The following LRP1B variants were observed in gnomAD, a reference collection of about 807,000 sequenced individuals.
LRP1B encodes the protein LDL receptor related protein 1B, also known as low-density lipoprotein receptor-related protein 1B.
Under a neutral mutation model 556.6 loss-of-function variants are expected in LRP1B, and 217 were observed. The ratio of observed to expected loss-of-function variants is 0.39; its 90% confidence interval spans 0.35 to 0.44. LRP1B has a LOEUF of 0.44. Ranked by LOEUF, LRP1B falls within the 20% of genes least tolerant of loss-of-function variation. The pLI is 1.00. For missense variants in LRP1B, 5,053 were observed against 5,620.8 expected (o/e 0.90, Z 3.23); for synonymous variants, 2,047 against 1,865.8 (o/e 1.10, Z -2.50).
Position 140,702,520 on chromosome 2 carries a change from G to C in LRP1B, c.6057C>G (p.Pro2019=), listed in dbSNP as rs2105430732. 3 of 1,613,308 alleles carry C rather than the reference G, an allele frequency of 1.9e-6. No homozygotes were observed. The highest frequency in any genetic ancestry group is 2.5e-6 in the Non-Finnish European group (3 of 1,179,558). The change falls in exon 38 of 91, where the codon CCC becomes CCG. Residue 2019 remains proline (P), a synonymous_variant. Transcript: ENST00000389484. ...LLFWTEWGQM[P]CIGKARLDGS... ...CATCCAAGCGAGCCTTTCCAATACAGGGCATTTGTCCCCATTCAGTCCAGA... is the reference window on the plus strand; with the variant it reads ...CATCCAAGCGAGCCTTTCCAATACACGGCATTTGTCCCCATTCAGTCCAGA...
At chr2:142,127,367 AATCCATCCATCCATCCATCCATCC>A (rs71391674) in intron 1 of LRP1B, among the ~76,000 whole-genome samples, 1 of 150,022 alleles carries the variant, frequency 6.7e-6, no homozygotes, top group Non-Finnish European at 1.5e-5. Context: ...TGTATGGCAG[AATCCATCCATCCATCCATCCATCC>A]ATCCATCCAT....
At chr2:141,106,421 A>T (rs1347004307) in intron 7 of LRP1B, among the ~76,000 whole-genome samples, 1 of 152,194 alleles carries the variant, frequency 6.6e-6, no homozygotes, top group African/African-American at 2.4e-5. Context: ...ATTCATGTAC[A>T]GATTTAAAAA....
intron 7 of LRP1B, among the ~76,000 whole-genome samples, chr2:141,118,166 CA>C (rs5834810): frequency 0.3 from 45,613 of 151,572 alleles, 7,122 homozygotes; most frequent in East Asian, 0.52. Flanking sequence ...TTTGATGCTT[CA>C]AAAATATTCA....
chr2:140,771,239 G>A lies in LRP1B; in HGVS notation c.5501-233C>T, dbSNP rs77546823. Among the ~76,000 whole-genome samples, 884 of 152,112 alleles carry A rather than the reference G, an allele frequency of 5.8e-3. 6 individuals are homozygous for A. Among genetic ancestry groups the A allele is most frequent in the Non-Finnish European group, 0.01 (682 of 67,942 alleles). On this transcript the variant is annotated intron_variant, in intron 33 of 90. Coordinates refer to ENST00000389484, the MANE Select transcript of LRP1B (RefSeq NM_018557.3). Reference sequence around the variant, plus strand: ...ATACATGAGAAGATTAATAGTTACAGAAAAGCAAAAGGAAATTGATTTGTC... The same window carrying A: ...ATACATGAGAAGATTAATAGTTACAAAAAAGCAAAAGGAAATTGATTTGTC...
At chr2:142,094,684 C>T (rs113178774) in intron 1 of LRP1B, among the ~76,000 whole-genome samples, 2,856 of 151,932 alleles carry the variant, frequency 0.019, 92 homozygotes, top group African/African-American at 0.066. Flanking sequence ...TTTGACACAA[C>T]CCTGTGTTCT....
At chr2:141,285,879 C>A (rs1389969488) in intron 3 of LRP1B, among the ~76,000 whole-genome samples, 2 of 149,016 alleles carry the variant, frequency 1.3e-5, no homozygotes, top group South Asian at 2.1e-4. Flanking sequence ...ATCCCGGCTA[C>A]AACGGTGAAA....
intron 41 of LRP1B, among the ~76,000 whole-genome samples, chr2:140,685,355 G>T (rs1686011132): frequency 6.6e-6 from 1 of 152,162 alleles, no homozygotes; most frequent in Non-Finnish European, 1.5e-5. Flanking sequence ...CCTAGGCCTT[G>T]TTCCAACCAG....
intron 87 of LRP1B, among the ~76,000 whole-genome samples, chr2:140,244,880 C>T (rs1681088578): frequency 6.6e-6 from 1 of 151,232 alleles, no homozygotes; most frequent in Non-Finnish European, 1.5e-5. Flanking sequence ...GACTTCTGCT[C>T]AAGTTTGGGG....
At chr2:141,849,948 T>A (rs945786274) in intron 1 of LRP1B, among the ~76,000 whole-genome samples, 2 of 151,746 alleles carry the variant, frequency 1.3e-5, no homozygotes, top group Non-Finnish European at 3.0e-5. Context: ...CATAAGTTAA[T>A]GTTTCACATG....
At chr2:142,007,938 G>A (rs949869436) in intron 1 of LRP1B, among the ~76,000 whole-genome samples, 27 of 152,102 alleles carry the variant, frequency 1.8e-4, no homozygotes, top group Non-Finnish European at 2.8e-4. Flanking sequence ...GAGTTAAACG[G>A]TATTTGTATA....
chr2:141,498,931 G>C (rs1016595012), intron 2 of LRP1B, among the ~76,000 whole-genome samples: 3 of 152,034 alleles, frequency 2.0e-5, no homozygotes, highest in Admixed American at 6.6e-5. Context: ...CACCCAATCT[G>C]TTCCATCCAG....
At chr2:141,070,860 T>C (rs1343579767) in intron 7 of LRP1B, among the ~76,000 whole-genome samples, 2 of 152,036 alleles carry the variant, frequency 1.3e-5, no homozygotes, top group Non-Finnish European at 2.9e-5. Context: ...GTGGCAATAA[T>C]CAATAGCTTA....
chr2:140,296,465 T>C (rs777188929), intron 84 of LRP1B, among the ~76,000 whole-genome samples: 68 of 152,088 alleles, frequency 4.5e-4, no homozygotes, highest in Non-Finnish European at 8.8e-4. Flanking sequence ...AGCTGTCAAA[T>C]AGACAATTAG....
Position 140,902,950 on chromosome 2 carries a change from C to T in LRP1B, c.3736G>A (p.Asp1246Asn), listed in dbSNP as rs778648870. 3 of 1,613,598 alleles carry T rather than the reference C, an allele frequency of 1.9e-6. No individual in the cohort carries two copies. Among genetic ancestry groups the T allele is most frequent in the Non-Finnish European group, 2.5e-6 (3 of 1,179,668 alleles). The part of the protein sequence containing the change: ...KCSCYEGWKL[D>N]VDGESCTSVD... ...CTTGTACAACTTTCACCGTCTACAT[C>T]CAGCTTCCAACCTTCATAACATGAG... is the stretch of plus-strand genomic sequence containing the variant. Residue 1246 changes from aspartate to asparagine, a missense_variant, in exon 23 of 91, where the codon GAT becomes AAT. Asp to Asn is a conservative substitution (Grantham distance 23, BLOSUM62 1). Around this residue, in one of 5 missense-constraint regions of LRP1B, gnomAD observed 3,619 missense variants for 3,931.9 expected, o/e 0.92. Coordinates refer to ENST00000389484, the MANE Select transcript of LRP1B (RefSeq NM_018557.3).
chr2:141,559,043 C>A (rs140605661), intron 2 of LRP1B, among the ~76,000 whole-genome samples: 4 of 151,150 alleles, frequency 2.6e-5, no homozygotes, highest in Non-Finnish European at 4.4e-5. Flanking sequence ...CAAGAAAAAA[C>A]GATTGCTAAA....
chr2:140,761,648 G>A (rs944185791), intron 35 of LRP1B, among the ~76,000 whole-genome samples: 2 of 152,066 alleles, frequency 1.3e-5, no homozygotes, highest in Non-Finnish European at 2.9e-5. Flanking sequence ...AGAGAGTTAT[G>A]GTCTTTTATT....
At chr2:142,094,337 T>A (rs892957657) in intron 1 of LRP1B, among the ~76,000 whole-genome samples, 1 of 152,128 alleles carries the variant, frequency 6.6e-6, no homozygotes, top group Admixed American at 6.6e-5. Context: ...AAGCTGGCTT[T>A]AATGTTCAAC....
At chr2:141,832,345 A>T (rs1195455944) in intron 1 of LRP1B, among the ~76,000 whole-genome samples, 2 of 150,810 alleles carry the variant, frequency 1.3e-5, no homozygotes, top group East Asian at 1.9e-4. Context: ...ACACACACAC[A>T]CACACACACA....
chr2:141,544,403 C>CT (rs1685474431), intron 2 of LRP1B, among the ~76,000 whole-genome samples: 1 of 113,240 alleles, frequency 8.8e-6, no homozygotes, highest in Non-Finnish European at 2.0e-5. Context: ...CCTCCTCCTC[C>CT]TCCTCCTCCT....
Sources: allele counts gnomAD v4.1 joint callset (sites outside exome capture counted in the v4.1 genomes callset), GRCh38; gene constraint gnomAD v4.1.1; regional missense constraint gnomAD v4.1.1; transcripts MANE v1.5; gene names NCBI Gene and HGNC (gene_info 2026-07-23, HGNC 2026-07-21).